Variants in NALCN observed in about 807,000 individuals in gnomAD.
The protein encoded by NALCN is sodium leak channel NALCN.
In NALCN, 111 loss-of-function variants were observed where a neutral mutation model predicts 225.3. That is an observed-to-expected ratio of 0.49 (90% CI 0.42 to 0.58). NALCN has a LOEUF of 0.58. Ranked by LOEUF, NALCN falls within the 20% of genes least tolerant of loss-of-function variation. The pLI, the probability that NALCN is intolerant of heterozygous loss-of-function variation, is 0.00. For missense variants in NALCN, 1,378 were observed against 2,202.4 expected, an observed-to-expected ratio of 0.63 and a Z score of 7.49; for synonymous variants, 764 against 769.0, an observed-to-expected ratio of 0.99 and a Z score of 0.11.
chr13:101,255,326 G>T lies in NALCN; in HGVS notation c.1266+3117C>A, dbSNP rs1189214863. 2.0e-5 allele frequency among the ~76,000 whole-genome samples: 3 copies of T among 152,250 alleles called. No individual in the cohort carries two copies. In the East Asian group the frequency reaches 5.8e-4, roughly 29 times the overall value. ...TACCATACATAAACACATTAGGAAAGGATCAATTCTGTACATGAAAAAGTT... is the reference window on the plus strand; with the variant it reads ...TACCATACATAAACACATTAGGAAATGATCAATTCTGTACATGAAAAAGTT... On this transcript the variant is annotated intron_variant, in intron 11 of 43. Transcript: ENST00000251127.
intron 20 of NALCN, among the ~76,000 whole-genome samples, chr13:101,109,213 T>C (rs930391915): frequency 2.0e-5 from 3 of 152,206 alleles, no homozygotes; most frequent in African/African-American, 7.2e-5. Flanking sequence ...TCTGCAGTTC[T>C]AAGTTGCGCA....
chr13:101,091,253 C>T (rs778963791), intron 28 of NALCN, among the ~76,000 whole-genome samples: 1 of 152,050 alleles, frequency 6.6e-6, no homozygotes, highest in Non-Finnish European at 1.5e-5. Flanking sequence ...CCCCTTGGAG[C>T]CTATTTAAAT....
At chr13:101,304,014 A>C (rs1399838267) in intron 7 of NALCN, among the ~76,000 whole-genome samples, 1 of 152,202 alleles carries the variant, frequency 6.6e-6, no homozygotes, top group African/African-American at 2.4e-5. Flanking sequence ...CACTATTCAG[A>C]AGGTATAACT....
At chr13:101,173,529 G>C (rs2038834015) in intron 15 of NALCN, among the ~76,000 whole-genome samples, 1 of 152,056 alleles carries the variant, frequency 6.6e-6, no homozygotes, top group South Asian at 2.1e-4. Context: ...TGCATTGAAT[G>C]GGTCGTTTTG....
In NALCN at chr13:101,124,657, T is replaced by C. The variant is rs2036146661; in HGVS notation, c.2143A>G (p.Arg715Gly). 2 of 1,613,934 alleles carry C rather than the reference T, an allele frequency of 1.2e-6. No homozygotes were observed. The highest frequency in any genetic ancestry group is 2.7e-5 in the African/African-American group (2 of 74,944). ...QKLRKSVFSIRARNLLEKETA... is the reference protein window; with the variant it reads ...QKLRKSVFSIGARNLLEKETA... ...TCCTTTTCCAGAAGGTTCCTTGCCCTGATGCTGAAAACAGACTTGCGAAGC... is the reference window on the plus strand; with the variant it reads ...TCCTTTTCCAGAAGGTTCCTTGCCCCGATGCTGAAAACAGACTTGCGAAGC... The change falls in exon 18 of 44, where the codon AGG becomes GGG. Residue 715 changes from arginine (R) to glycine (G), a missense_variant. By Grantham distance (125) the Arg-to-Gly change is moderately radical. Coordinates refer to ENST00000251127, the MANE Select transcript of NALCN (RefSeq NM_052867.4).
intron 10 of NALCN, among the ~76,000 whole-genome samples, chr13:101,269,057 T>C (rs1237033336): frequency 1.3e-5 from 2 of 152,042 alleles, no homozygotes; most frequent in Non-Finnish European, 2.9e-5. Flanking sequence ...GGAAGAAAAA[T>C]TAAGAATAAA....
chr13:101,259,687 G>A (rs1374859018), intron 10 of NALCN, among the ~76,000 whole-genome samples: 1 of 147,990 alleles, frequency 6.8e-6, no homozygotes, highest in Non-Finnish European at 1.5e-5. Flanking sequence ...CTATGTTCCA[G>A]GCCATATTAT....
At chr13:101,202,444 A>G (rs895259101) in intron 13 of NALCN, among the ~76,000 whole-genome samples, 4 of 150,764 alleles carry the variant, frequency 2.7e-5, no homozygotes, top group Admixed American at 6.6e-5. Context: ...TGGAATTTGG[A>G]GTATAAATAT....
chr13:101,150,740 T>C (rs905206947), intron 15 of NALCN, among the ~76,000 whole-genome samples: 1 of 146,944 alleles, frequency 6.8e-6, no homozygotes, highest in Admixed American at 6.9e-5. Context: ...ATGAATAATA[T>C]ATATTATAAG....
At chr13:101,282,650 C>A (rs1240530747) in intron 10 of NALCN, among the ~76,000 whole-genome samples, 1 of 151,950 alleles carries the variant, frequency 6.6e-6, no homozygotes, top group Non-Finnish European at 1.5e-5. Context: ...TAAGTGTTAC[C>A]CCCCACCCCA....
intron 17 of NALCN, among the ~76,000 whole-genome samples, chr13:101,135,059 G>C (rs1170871587): frequency 1.3e-5 from 2 of 152,128 alleles, no homozygotes; most frequent in Non-Finnish European, 2.9e-5. Context: ...GCCGGGCGTG[G>C]TTGCGGGCGC....
At position 101,332,472 on chromosome 13, in the gene NALCN, T is replaced by G. The variant is rs115978088; in HGVS notation, c.799+12794A>C. ...TAGGCTTGTTATTGGCAGTAATAGA[T>G]TCCAGAATACAACGAACATATCTCA... On this transcript the variant is annotated intron_variant, in intron 7 of 43. Transcript: ENST00000251127. Among the ~76,000 whole-genome samples the G allele has an allele frequency of 5.5e-4, 82 of 148,258 alleles. 1 individual carries two copies. The highest frequency in any genetic ancestry group is 1.9e-3 in the African/African-American group (77 of 39,838).
chr13:101,266,068 G>A (rs1422711890), intron 10 of NALCN, among the ~76,000 whole-genome samples: 3 of 152,202 alleles, frequency 2.0e-5, no homozygotes, highest in Admixed American at 6.5e-5. Context: ...ACCTTTCTGT[G>A]ACTCAGTTTT....
chr13:101,354,233 C>T (rs2045985527), intron 6 of NALCN, among the ~76,000 whole-genome samples: 1 of 152,108 alleles, frequency 6.6e-6, no homozygotes. Flanking sequence ...ATCCCAGCTA[C>T]TTGGGAGGCT....
At position 101,144,807 on chromosome 13, in the gene NALCN, C is replaced by T. The variant is rs2037263788; in HGVS notation, c.1929G>A (p.Met643Ile). The T allele has an allele frequency of 1.2e-6, 2 of 1,613,128 alleles. No homozygotes were observed. The highest frequency in any genetic ancestry group is 1.7e-6 in the Non-Finnish European group (2 of 1,179,690). ...CTGAAGGAAGCTTTGAGATTTTCACCATTTGAGGTCTGTTTGGAAATTTTT... is the reference window on the plus strand; with the variant it reads ...CTGAAGGAAGCTTTGAGATTTTCACTATTTGAGGTCTGTTTGGAAATTTTT... ...IFEKFPNRPQ[M>I]VKISKLPSDF... Residue 643 changes from methionine to isoleucine, a missense_variant, in exon 16 of 44, where the codon ATG becomes ATA. This residue lies in a region of NALCN where 62 missense variants were observed against 143.6 expected (regional missense o/e 0.43). Transcript: ENST00000251127.
intron 6 of NALCN, among the ~76,000 whole-genome samples, chr13:101,353,598 A>G (rs2045966779): frequency 6.6e-6 from 1 of 152,234 alleles, no homozygotes; most frequent in South Asian, 2.1e-4. Flanking sequence ...GCAAAACAAG[A>G]TAAATATTCT....
In NALCN at chr13:101,379,012, C is replaced by CAT. The variant is rs1566632535; in HGVS notation, c.292-360_292-359insAT. Among the ~76,000 whole-genome samples the CAT allele has an allele frequency of 6.5e-3, 982 of 151,848 alleles. 7 individuals carry two copies. Among genetic ancestry groups the CAT allele is most frequent in the African/African-American group, 0.023 (937 of 41,406 alleles). ...CCTGCCTACAAGAACCAAGAGTGCA[C>CAT]TGTGGTCAACAGGAAGGTCTTTAAA... On this transcript the variant is annotated intron_variant, in intron 3 of 43. Transcript: ENST00000251127.
At chr13:101,344,269 G>A (rs915873708) in intron 7 of NALCN, among the ~76,000 whole-genome samples, 3 of 152,152 alleles carry the variant, frequency 2.0e-5, no homozygotes, top group African/African-American at 7.2e-5. Flanking sequence ...CTTCACATCA[G>A]TTGGCTTCTG....
chr13:101,280,682 G>A (rs568273263), intron 10 of NALCN, among the ~76,000 whole-genome samples: 1 of 152,012 alleles, frequency 6.6e-6, no homozygotes, highest in East Asian at 1.9e-4. Flanking sequence ...TTTTCAGCTG[G>A]ATAAAGCATG....
Sources: allele counts gnomAD v4.1 joint callset (sites outside exome capture counted in the v4.1 genomes callset), GRCh38; gene constraint gnomAD v4.1.1; regional missense constraint gnomAD v4.1.1; transcripts MANE v1.5; gene names NCBI Gene and HGNC (gene_info 2026-07-23, HGNC 2026-07-21).